The following TGIF1 variants were observed in gnomAD, a reference collection of about 807,000 sequenced individuals.
TGIF1 encodes TGFB induced factor homeobox 1, also known as homeobox protein TGIF1.
A neutral mutation model predicts 19.3 loss-of-function variants in TGIF1; 4 were observed. The observed-to-expected ratio is 0.21, with a 90% CI of 0.10 to 0.47. The LOEUF is 0.47. Ranked by LOEUF, TGIF1 falls within the 20% of genes least tolerant of loss-of-function variation. The pLI is 0.98. For synonymous variants in TGIF1, 122 were observed against 129.3 expected, an observed-to-expected ratio of 0.94 and a Z score of 0.38; for missense variants, 275 against 341.4, an observed-to-expected ratio of 0.81 and a Z score of 1.53.
chr18:3,451,872 C>T lies in TGIF1; in HGVS notation c.16+1367C>T. On this transcript the variant is annotated intron_variant, in intron 1 of 2. Transcript: ENST00000343820. This position sits in a 1 kb window ranked among gnomAD's most constrained non-coding sequence, Gnocchi z 5.4. ...AAACGCGCGGGGGGCGTCCGAGACG[C>T]CCCGTGAAAGCCGTGCCGACCCTTG... is the stretch of plus-strand genomic sequence containing the variant. 2.1e-6 allele frequency: 3 copies of T among 1,429,014 alleles called. No homozygotes were observed. The highest frequency in any genetic ancestry group is 2.7e-6 in the Non-Finnish European group (3 of 1,091,014). 88.5% of individuals were successfully genotyped at this position (1,429,014 alleles called of 1,614,324 possible). A position where few individuals can be genotyped will look rare whatever the true frequency, so the allele number is the denominator to read the frequency against.
chr18:3,418,821 G>A (rs11081046), intron 2 of TGIF1: 92,354 of 152,224 alleles, frequency 0.61, 30,242 homozygotes, highest in Admixed American at 0.72. Context: ...ACTTTGGGAC[G>A]CCAAGGTGGG....
chr18:3,435,553 C>T (rs1021816641), intron 2 of TGIF1, among the ~76,000 whole-genome samples: 1 of 152,084 alleles, frequency 6.6e-6, no homozygotes, highest in Admixed American at 6.6e-5. Context: ...AAATTGCAAA[C>T]TTCATCTTCC....
chr18:3,434,265 G>A (rs566895791), intron 2 of TGIF1, among the ~76,000 whole-genome samples: 60 of 152,160 alleles, frequency 3.9e-4, no homozygotes, highest in Middle Eastern at 6.8e-3. Flanking sequence ...GGCCGGGTGC[G>A]GTGGCTTATG....
At chr18:3,425,168 C>T (rs148445498) in intron 2 of TGIF1, among the ~76,000 whole-genome samples, 22 of 152,332 alleles carry the variant, frequency 1.4e-4, no homozygotes, top group African/African-American at 5.3e-4. Context: ...GAACTGAATT[C>T]TAGAGGATGA....
intron 2 of TGIF1, among the ~76,000 whole-genome samples, chr18:3,428,548 C>A (rs1276918159): frequency 6.6e-6 from 1 of 151,668 alleles, no homozygotes; most frequent in South Asian, 2.1e-4. Flanking sequence ...CCATCCTGAC[C>A]AACATAGCGA....
At chr18:3,437,465 T>TA (rs2082628362) in intron 2 of TGIF1, among the ~76,000 whole-genome samples, 1 of 152,216 alleles carries the variant, frequency 6.6e-6, no homozygotes, top group South Asian at 2.1e-4. Context: ...GGACTAAAAT[T>TA]TATTTTGCAT....
chr18:3,444,060 G>A (rs2082709260), intron 2 of TGIF1, among the ~76,000 whole-genome samples: 3 of 150,620 alleles, frequency 2.0e-5, no homozygotes, highest in Admixed American at 1.3e-4. Flanking sequence ...TCAGCCTACC[G>A]AGCAGCTGGG....
At chr18:3,435,196 T>A (rs1280500279) in intron 2 of TGIF1, among the ~76,000 whole-genome samples, 1 of 151,654 alleles carries the variant, frequency 6.6e-6, no homozygotes, top group African/African-American at 2.4e-5. Flanking sequence ...AAACCCTATA[T>A]ATATTTTTTT....
At chr18:3,430,671 ATT>A (rs759165103) in intron 2 of TGIF1, among the ~76,000 whole-genome samples, 31 of 130,334 alleles carry the variant, frequency 2.4e-4, no homozygotes, top group Admixed American at 3.1e-4. Flanking sequence ...CACCCGGCTA[ATT>A]TTTTTTTTTT....
At chr18:3,414,114 A>C (rs2082302637) in intron 1 of TGIF1, among the ~76,000 whole-genome samples, 1 of 152,234 alleles carries the variant, frequency 6.6e-6, no homozygotes, top group Non-Finnish European at 1.5e-5. Flanking sequence ...TTTATACAAA[A>C]TGACAGTTTT....
At chr18:3,433,704 C>T (rs766863256) in intron 2 of TGIF1, among the ~76,000 whole-genome samples, 1 of 152,114 alleles carries the variant, frequency 6.6e-6, no homozygotes, top group Non-Finnish European at 1.5e-5. Flanking sequence ...CAGGGTCTTG[C>T]TCCATCACCC....
upstream of TGIF1, chr18:3,447,864 C>T: frequency 6.3e-7 from 1 of 1,579,372 alleles, no homozygotes; most frequent in South Asian, 1.1e-5. Context: ...CTCCGCCCCT[C>T]CCCCCTTCTC....
At chr18:3,427,435 G>T (rs929463307) in intron 2 of TGIF1, among the ~76,000 whole-genome samples, 1 of 151,810 alleles carries the variant, frequency 6.6e-6, no homozygotes, top group South Asian at 2.1e-4. Flanking sequence ...GGGACTACAG[G>T]TGTGCGCCAC....
chr18:3,451,665 C>G lies in TGIF1; in HGVS notation c.16+1160C>G. On this transcript the variant is annotated intron_variant, in intron 1 of 2. Transcript: ENST00000343820. The surrounding 1 kb of genome is among the most constrained non-coding windows in gnomAD (Gnocchi z 5.4). ...CTCAAGGCCAGCGGGGTTCCTTCGG[C>G]TGCGTTTCTGTGGGAGGCCCTGAAA... The G allele has an allele frequency of 2.6e-6, 3 of 1,159,862 alleles. No homozygotes were observed. The highest frequency in any genetic ancestry group is 3.2e-6 in the Non-Finnish European group (3 of 942,454). 71.8% of individuals were successfully genotyped at this position (1,159,862 alleles called of 1,614,324 possible).
upstream of TGIF1, chr18:3,447,926 C>G: frequency 6.9e-7 from 1 of 1,458,728 alleles, no homozygotes; most frequent in Non-Finnish European, 9.5e-7. Context: ...CGGTTCCCAT[C>G]TCGGTTGCCT....
At chr18:3,452,128 C>T (rs750327103) in intron 1 of TGIF1, 6 of 1,613,740 alleles carry the variant, frequency 3.7e-6, no homozygotes, top group Non-Finnish European at 5.1e-6. Context: ...CTGGCGTCCC[C>T]CCGACTCTCC....
chr18:3,420,337 C>T (rs757545201), intron 2 of TGIF1, among the ~76,000 whole-genome samples: 5 of 151,736 alleles, frequency 3.3e-5, no homozygotes, highest in African/African-American at 4.8e-5. Flanking sequence ...GAGCCAAGAT[C>T]GCGCCACTGC....
chr18:3,442,372 G>T (rs151195238), intron 2 of TGIF1, among the ~76,000 whole-genome samples: 1 of 152,170 alleles, frequency 6.6e-6, no homozygotes, highest in Admixed American at 6.5e-5. Context: ...TATTCTGAAG[G>T]TCTTTTATAA....
intron 2 of TGIF1, among the ~76,000 whole-genome samples, chr18:3,422,018 A>G (rs960720698): frequency 6.6e-6 from 1 of 151,502 alleles, no homozygotes; most frequent in Non-Finnish European, 1.5e-5. Context: ...ACATGGTGAA[A>G]CCCCGTCTCT....
Sources: gnomAD v4.1 joint callset for allele counts (sites outside exome capture counted in the v4.1 genomes callset) on GRCh38, gnomAD v4.1.1 for gene constraint, Gnocchi (gnomAD v3.1) non-coding constraint, MANE v1.5 for transcripts, NCBI Gene and HGNC (gene_info 2026-07-23, HGNC 2026-07-21) for gene names.